The following KIAA0930 variants were observed in gnomAD, a reference collection of about 807,000 sequenced individuals.
KIAA0930 encodes the protein uncharacterized protein KIAA0930.
In KIAA0930, 24 loss-of-function variants were observed where a neutral mutation model predicts 43.9. That is an observed-to-expected ratio of 0.55 (90% CI 0.40 to 0.77). KIAA0930 has a LOEUF of 0.77. KIAA0930 is among the 30% of genes least tolerant of loss of function. The pLI, the probability that KIAA0930 is intolerant of heterozygous loss-of-function variation, is 0.00. For synonymous variants in KIAA0930, 259 were observed against 216.4 expected, an observed-to-expected ratio of 1.20 and a Z score of -1.73; for missense variants, 461 against 574.2, an observed-to-expected ratio of 0.80 and a Z score of 2.02.
rs376273127 is a variant in KIAA0930, at chr22:45,199,950, C to G, written c.938G>C (p.Arg313Pro). Residue 313 changes from arginine (R) to proline (P), a missense_variant, in exon 8 of 10, where the codon CGG becomes CCG. By Grantham distance (103) the Arg-to-Pro change is moderately radical. Transcript: ENST00000336156. ...CTTCTTCATCTCAGCGATCCGGTTCCGGGGCACCTTCCTCTTGAGGGATGG... is the reference window on the plus strand; with the variant it reads ...CTTCTTCATCTCAGCGATCCGGTTCGGGGGCACCTTCCTCTTGAGGGATGG... The part of the protein sequence containing the change: ...FSPSLKRKVP[R>P]NRIAEMKKSH... 1 of 1,610,176 alleles carries G rather than the reference C, an allele frequency of 6.2e-7. No individual in the cohort carries two copies. Among genetic ancestry groups the G allele is most frequent in the Admixed American group, 1.7e-5 (1 of 59,688 alleles).
At chr22:45,237,122 G>T (rs941810220) in intron 1 of KIAA0930, among the ~76,000 whole-genome samples, 1 of 152,250 alleles carries the variant, frequency 6.6e-6, no homozygotes, top group Non-Finnish European at 1.5e-5. Context: ...GGCAGGGTTT[G>T]TCCCCCTTCA....
chr22:45,214,679 C>T (rs558975413), intron 1 of KIAA0930, among the ~76,000 whole-genome samples: 3 of 152,074 alleles, frequency 2.0e-5, no homozygotes, highest in African/African-American at 7.2e-5. Flanking sequence ...GAGGCCAAGG[C>T]GGAAAGACTG....
intron 8 of KIAA0930, among the ~76,000 whole-genome samples, chr22:45,199,048 T>C (rs1276742300): frequency 6.6e-6 from 1 of 152,164 alleles, no homozygotes; most frequent in African/African-American, 2.4e-5. Flanking sequence ...ACGTGGTCCA[T>C]GCCAGCAGAG....
intron 1 of KIAA0930, among the ~76,000 whole-genome samples, chr22:45,221,602 G>T (rs369490774): frequency 0.02 from 3,104 of 152,284 alleles, 104 homozygotes; most frequent in African/African-American, 0.071. Flanking sequence ...TAATAAATAT[G>T]TGCTAATTGA....
chr22:45,212,156 C>T (rs764999368), intron 1 of KIAA0930, 49 bp from the exon 2 acceptor site: 3 of 1,613,634 alleles, frequency 1.9e-6, no homozygotes, highest in East Asian at 2.2e-5. Flanking sequence ...CACCCTGGCC[C>T]TTGCAGCATG....
rs558493518 is a variant in KIAA0930, at chr22:45,201,138, C to T, written c.853-1103G>A. The T allele has an allele frequency of 7.8e-5, 34 of 436,368 alleles. 1 individual carries two copies. Among genetic ancestry groups the T allele is most frequent in the East Asian group, 4.6e-4 (8 of 17,298 alleles). 27.0% of individuals were successfully genotyped at this position (436,368 alleles called of 1,614,324 possible). A position where few individuals can be genotyped will look rare whatever the true frequency, so the allele number is the denominator to read the frequency against. Reference sequence around the variant, plus strand: ...GTCCTGGCAGCTGCTGGGCTCCAGACGGTGTTCCCACAAGCCGGGGAAGGT... The same window carrying T: ...GTCCTGGCAGCTGCTGGGCTCCAGATGGTGTTCCCACAAGCCGGGGAAGGT... On this transcript the variant is annotated intron_variant, in intron 7 of 9. Transcript: ENST00000336156.
intron 7 of KIAA0930, 23 bp from the exon 8 acceptor site, chr22:45,200,058 A>G: frequency 6.3e-7 from 1 of 1,581,176 alleles, no homozygotes; most frequent in East Asian, 2.4e-5. Flanking sequence ...AGCCAAAGTC[A>G]CCAGAGTAGC....
In KIAA0930 at chr22:45,205,780, T is replaced by TA; in HGVS notation, c.336+12_336+13insT. On this transcript the variant is annotated intron_variant, in intron 3 of 9. Coordinates refer to ENST00000336156, the MANE Select transcript of KIAA0930 (RefSeq NM_001009880.2). Reference sequence around the variant, plus strand: ...CAGGGCCAATCCGCAGCCCCACCCATCCCACCCCATACCTTCTGCAGGATG... The same window carrying TA: ...CAGGGCCAATCCGCAGCCCCACCCATACCCACCCCATACCTTCTGCAGGATG... 6 of 412,026 alleles carry TA rather than the reference T, an allele frequency of 1.5e-5. No homozygotes were observed. The highest frequency in any genetic ancestry group is 2.6e-5 in the Non-Finnish European group (6 of 233,782). The allele number at this position is 412,026 out of a possible 1,614,324, so 25.5% of individuals were successfully genotyped here. A position where few individuals can be genotyped will look rare whatever the true frequency, so the allele number is the denominator to read the frequency against.
intron 1 of KIAA0930, chr22:45,226,331 G>C (rs1428753663): frequency 2.1e-6 from 1 of 471,078 alleles, no homozygotes; most frequent in Non-Finnish European, 4.4e-6. Flanking sequence ...CGTGGGGTTG[G>C]GCTTCGTATC....
chr22:45,209,233 G>C (rs530541853), intron 2 of KIAA0930, among the ~76,000 whole-genome samples: 7 of 152,194 alleles, frequency 4.6e-5, no homozygotes, highest in South Asian at 2.1e-4. Flanking sequence ...GAGGGGGCGG[G>C]AAGTAGCCAG....
intron 6 of KIAA0930, among the ~76,000 whole-genome samples, 198 bp from the exon 7 acceptor site, chr22:45,203,382 C>T (rs1484579751): frequency 1.3e-5 from 2 of 152,172 alleles, no homozygotes; most frequent in Non-Finnish European, 2.9e-5. Flanking sequence ...CCCCTCCCAC[C>T]GCCCCATGAA....
At chr22:45,216,536 T>C (rs2083733676) in intron 1 of KIAA0930, among the ~76,000 whole-genome samples, 1 of 152,138 alleles carries the variant, frequency 6.6e-6, no homozygotes, top group South Asian at 2.1e-4. Context: ...GTGCAGCAAC[T>C]GGCTGTGAAT....
chr22:45,207,921 G>C (rs948498744), intron 2 of KIAA0930: 1 of 168,620 alleles, frequency 5.9e-6, no homozygotes, highest in African/African-American at 2.4e-5. Context: ...AGACTCTGCT[G>C]TTCCTCCTGG....
intron 1 of KIAA0930, among the ~76,000 whole-genome samples, chr22:45,227,445 G>A (rs773819521): frequency 1.3e-5 from 2 of 152,146 alleles, no homozygotes; most frequent in South Asian, 2.1e-4. Flanking sequence ...AAAGGGCATC[G>A]AACATCCTTC....
At chr22:45,227,813 C>T (rs1474664514) in intron 1 of KIAA0930, among the ~76,000 whole-genome samples, 5 of 152,208 alleles carry the variant, frequency 3.3e-5, no homozygotes, top group African/African-American at 1.2e-4. Flanking sequence ...CATCCCTGTA[C>T]CCTAAAGCAG....
chr22:45,215,656 G>C (rs1048127049), intron 1 of KIAA0930, among the ~76,000 whole-genome samples: 1 of 152,224 alleles, frequency 6.6e-6, no homozygotes, highest in Non-Finnish European at 1.5e-5. Flanking sequence ...AGATGCATGG[G>C]AATACGTGTA....
chr22:45,240,429 C>A (rs1452153977), intron 1 of KIAA0930, among the ~76,000 whole-genome samples: 5 of 151,908 alleles, frequency 3.3e-5, no homozygotes, highest in Non-Finnish European at 7.4e-5. Flanking sequence ...GGGTGCGGGG[C>A]GCTCGTCGGA....
intron 1 of KIAA0930, among the ~76,000 whole-genome samples, chr22:45,214,751 A>G (rs935998094): frequency 6.6e-5 from 10 of 152,052 alleles, no homozygotes; most frequent in African/African-American, 1.9e-4. Flanking sequence ...TCTAAAAAAA[A>G]AATAAAAATT....
At chr22:45,209,913 C>T (rs2083677723) in intron 2 of KIAA0930, among the ~76,000 whole-genome samples, 1 of 152,184 alleles carries the variant, frequency 6.6e-6, no homozygotes, top group Admixed American at 6.5e-5. Flanking sequence ...GCTCCAAATT[C>T]CTCAGGCCTA....
Sources: allele counts gnomAD v4.1 joint callset (sites outside exome capture counted in the v4.1 genomes callset), GRCh38; gene constraint gnomAD v4.1.1; transcripts MANE v1.5; gene names NCBI Gene and HGNC (gene_info 2026-07-23, HGNC 2026-07-21).